The following NLRP12 variants were observed in gnomAD, a reference collection of about 807,000 sequenced individuals.
The protein encoded by NLRP12 is NLR family pyrin domain containing 12, also known as NACHT, LRR and PYD domains-containing protein 12.
In NLRP12, 108 loss-of-function variants were observed where a neutral mutation model predicts 91.2. The ratio of observed to expected loss-of-function variants is 1.18; its 90% CI spans 1.01 to 1.39. The LOEUF is 1.39. Among genes scored for constraint, NLRP12 ranks in the 40% most tolerant of loss-of-function variants. The pLI, the probability that NLRP12 is intolerant of heterozygous loss-of-function variation, is 0.00. For synonymous variants in NLRP12, 613 were observed against 566.7 expected, an observed-to-expected ratio of 1.08 and a Z score of -1.16; for missense variants, 1,530 against 1,352.7, an observed-to-expected ratio of 1.13 and a Z score of -2.06.
rs59749540 is a variant in NLRP12 at position 53,810,840 on chromosome 19, A to G, written c.819T>C (p.Pro273=). The G allele has an allele frequency of 4.0e-4, 652 of 1,614,102 alleles. 3 individuals carry two copies. The African/African-American group carries it at 7.0e-3, about 17-fold the overall frequency. The change falls in exon 3 of 10, where the codon CCT becomes CCC. Residue 273 remains proline (P), a synonymous_variant. Transcript: ENST00000324134. ...GCTCCTGGAGAGGCGCGCTGGGCTC[A>G]GGCCAGCAGCTGAAGATGAGGTCTT... is the stretch of plus-strand genomic sequence containing the variant. ...SMQDLIFSCW[P]EPSAPLQELI...
chr19:53,819,543 A>ATATG lies in NLRP12; in HGVS notation c.289+4342_289+4343insCATA, dbSNP rs2092225845. Among the ~76,000 whole-genome samples, 2 of 31,188 alleles carry ATATG rather than the reference A, an allele frequency of 6.4e-5. 1 individual carries two copies. The highest frequency in any genetic ancestry group is 2.4e-4 in the African/African-American group (2 of 8,444). The allele number at this position is 31,188 out of a possible 152,430, so 20.5% of individuals were successfully genotyped here. Reference sequence around the variant, plus strand: ...TGTATATATGTGTGTATGTATACGTATATATATGTATGTATACGTATATAT... The same window carrying ATATG: ...TGTATATATGTGTGTATGTATACGTATATGTATATATGTATGTATACGTATATAT... On this transcript the variant is annotated intron_variant, in intron 1 of 9. Transcript: ENST00000324134.
At chr19:53,797,413 G>A (rs1184306744) in intron 8 of NLRP12, among the ~76,000 whole-genome samples, 3 of 150,006 alleles carry the variant, frequency 2.0e-5, no homozygotes, top group Non-Finnish European at 4.4e-5. Flanking sequence ...ATGAGCCACT[G>A]TGCCCGGCCT....
chr19:53,823,865 C>A lies in NLRP12; in HGVS notation c.289+21G>T, dbSNP rs1418586795. On this transcript the variant is annotated intron_variant, in intron 1 of 9. Transcript: ENST00000324134. ...GGACCCGGCTGGCATTCTAGCCTTG[C>A]CTGTCCCGCCACCTCCTTACCCCTC... 5 of 1,613,378 alleles carry A rather than the reference C, an allele frequency of 3.1e-6. No individual in the cohort carries two copies. The African/African-American group carries it at 4.0e-5, about 13-fold the overall frequency.
intron 8 of NLRP12, among the ~76,000 whole-genome samples, chr19:53,797,568 G>A (rs942472708): frequency 2.6e-5 from 4 of 151,730 alleles, no homozygotes; most frequent in African/African-American, 7.3e-5. Context: ...ACAGGCATGC[G>A]CCACCACACT....
chr19:53,815,852 C>G (rs920656771), intron 1 of NLRP12, among the ~76,000 whole-genome samples: 93 of 152,106 alleles, frequency 6.1e-4, no homozygotes, highest in African/African-American at 2.1e-3. Context: ...CCTCGTGATC[C>G]ACCCAACTCG....
chr19:53,800,026 C>T (rs1012634355), intron 7 of NLRP12, among the ~76,000 whole-genome samples: 15 of 151,940 alleles, frequency 9.9e-5, no homozygotes, highest in Non-Finnish European at 1.3e-4. Flanking sequence ...ATTGGCCAGG[C>T]GCAGTGGCTC....
chr19:53,820,540 C>T (rs1202494496), intron 1 of NLRP12, among the ~76,000 whole-genome samples: 1 of 151,154 alleles, frequency 6.6e-6, no homozygotes, highest in Non-Finnish European at 1.5e-5. Context: ...AGAAACAAAA[C>T]AAAACAAAAA....
intron 7 of NLRP12, among the ~76,000 whole-genome samples, chr19:53,800,613 G>A (rs909722083): frequency 3.3e-5 from 5 of 150,476 alleles, no homozygotes; most frequent in South Asian, 2.1e-4. Flanking sequence ...ACGGAGTTTC[G>A]CTCTTGTTGC....
chr19:53,801,324 T>C lies in NLRP12; in HGVS notation c.2659A>G (p.Arg887Gly), dbSNP rs898504058. Residue 887 changes from arginine (R) to glycine (G), a missense_variant, in exon 7 of 10, where the codon AGA becomes GGA. By Grantham distance (125) the Arg-to-Gly change is moderately radical. Transcript: ENST00000324134. ...TCATTCAGGCTCAGGTCCAGCTCTC[T>C]CAGGCTCTGGTTCACACTGAGAGTT... The part of the protein sequence containing the change: ...ASTLSVNQSL[R>G]ELDLSLNELG... 6 of 1,613,830 alleles carry C rather than the reference T, an allele frequency of 3.7e-6. No individual in the cohort carries two copies. In the African/African-American group the frequency reaches 4.0e-5, roughly 11 times the overall value.
At chr19:53,807,325 G>A (rs1288003787) in intron 4 of NLRP12, among the ~76,000 whole-genome samples, 170 bp downstream of exon 4, 1 of 152,074 alleles carries the variant, frequency 6.6e-6, no homozygotes, top group Non-Finnish European at 1.5e-5. Context: ...GCCTTCACCT[G>A]TCAACATACT....
chr19:53,805,408 G>T lies in NLRP12; in HGVS notation c.2286C>A (p.Leu762=), dbSNP rs1165305177. 1.9e-6 allele frequency: 3 copies of T among 1,613,996 alleles called. No homozygotes were observed. In the African/African-American group the frequency reaches 4.0e-5, roughly 22 times the overall value. Residue 762 remains leucine, a synonymous_variant, in exon 5 of 10, where the codon CTC becomes CTA. Coordinates refer to ENST00000324134, the MANE Select transcript of NLRP12 (RefSeq NM_144687.4). ...CRISSSACED[L]SAALIANKNL... ...TCTTATTGGCTATGAGAGCTGCAGA[G>T]AGGTCCTCGCAGGCTGAGCTGGAGA... is the stretch of plus-strand genomic sequence containing the variant.
chr19:53,805,606 C>T (rs190676738), intron 4 of NLRP12, 156 bp from the exon 5 acceptor site: 10 of 763,634 alleles, frequency 1.3e-5, no homozygotes, highest in African/African-American at 1.2e-4. Flanking sequence ...CAACCTCTGC[C>T]TCCTGGGTTG....
chr19:53,821,089 G>A (rs2092259813), intron 1 of NLRP12, among the ~76,000 whole-genome samples: 1 of 135,716 alleles, frequency 7.4e-6, no homozygotes, highest in Non-Finnish European at 1.5e-5. Flanking sequence ...AGGCTGGAGT[G>A]CAGTGGCTTA....
intron 4 of NLRP12, 100 bp downstream of exon 4, chr19:53,807,395 G>T: frequency 3.3e-6 from 4 of 1,218,290 alleles, no homozygotes; most frequent in Non-Finnish European, 4.7e-6. Context: ...GGCAGCCGTA[G>T]CCAACGAATA....
chr19:53,820,586 G>T lies in NLRP12; in HGVS notation c.289+3300C>A, dbSNP rs186047549. Among the ~76,000 whole-genome samples, 474 of 152,178 alleles carry T rather than the reference G, an allele frequency of 3.1e-3. 3 individuals carry two copies. The highest frequency in any genetic ancestry group is 0.011 in the African/African-American group (448 of 41,522). ...AAATGGGGCTCTGTGGTGCACACCT[G>T]TAGTTCCAGCTGTTCAAGAGGCTGA... On this transcript the variant is annotated intron_variant, in intron 1 of 9. Transcript: ENST00000324134.
intron 1 of NLRP12, among the ~76,000 whole-genome samples, chr19:53,816,614 C>G (rs1176395800): frequency 6.6e-6 from 1 of 152,116 alleles, no homozygotes; most frequent in Non-Finnish European, 1.5e-5. Context: ...CTTCACCTCC[C>G]AGGTTTAAGT....
At chr19:53,803,862 C>G in intron 6 of NLRP12, 90 bp downstream of exon 6, 1 of 1,346,754 alleles carries the variant, frequency 7.4e-7, no homozygotes, top group Non-Finnish European at 1.1e-6. Flanking sequence ...GCGTGAGCCA[C>G]TGCGCCCGAC....
chr19:53,816,090 G>A (rs556949620), intron 1 of NLRP12, among the ~76,000 whole-genome samples: 7 of 152,020 alleles, frequency 4.6e-5, no homozygotes, highest in African/African-American at 1.4e-4. Context: ...GCCTTCGTTT[G>A]GATATATCAT....
At chr19:53,823,495 TTTA>T (rs199871998) in intron 1 of NLRP12, among the ~76,000 whole-genome samples, 5,713 of 68,664 alleles carry the variant, frequency 0.083, 358 homozygotes, top group Non-Finnish European at 0.1. Context: ...TTAAAATATA[TTTA>T]TTTAAAATAT....
Sources: allele counts gnomAD v4.1 joint callset (sites outside exome capture counted in the v4.1 genomes callset), GRCh38; gene constraint gnomAD v4.1.1; transcripts MANE v1.5; gene names NCBI Gene and HGNC (gene_info 2026-07-23, HGNC 2026-07-21).